SORCS2: variants seen among roughly 807,000 people sequenced by gnomAD.
SORCS2 encodes sortilin related VPS10 domain containing receptor 2.
Under a neutral mutation model 141.6 loss-of-function variants are expected in SORCS2, and 100 were observed. That is an observed-to-expected ratio of 0.71 (90% CI 0.60 to 0.83). The LOEUF (loss-of-function observed/expected upper bound fraction) is 0.83. Among genes scored for constraint, SORCS2 ranks in the 40% least tolerant of loss-of-function variants. SORCS2 has a pLI of 0.00. For missense variants in SORCS2, 1,646 were observed against 1,560.2 expected, an observed-to-expected ratio of 1.05 and a Z score of -0.93; for synonymous variants, 789 against 676.9, an observed-to-expected ratio of 1.17 and a Z score of -2.57.
chr4:7,374,947 G>A (rs892702774), intron 1 of SORCS2, among the ~76,000 whole-genome samples: 2 of 152,186 alleles, frequency 1.3e-5, no homozygotes, highest in East Asian at 1.9e-4. Context: ...ACACTTTGCT[G>A]TTGGGGTTGG....
At chr4:7,591,040 A>G (rs181036471) in intron 3 of SORCS2, among the ~76,000 whole-genome samples, 102 of 152,298 alleles carry the variant, frequency 6.7e-4, no homozygotes, top group African/African-American at 2.0e-3. Context: ...TCATCTCCCC[A>G]CAGCACACTT....
chr4:7,349,705 C>T (rs2109003507), intron 1 of SORCS2, among the ~76,000 whole-genome samples: 1 of 152,310 alleles, frequency 6.6e-6, no homozygotes, highest in East Asian at 1.9e-4. Flanking sequence ...CACACCAGTG[C>T]CCAGGTGCTG....
At chr4:7,232,403 G>A (rs923065961) in intron 1 of SORCS2, among the ~76,000 whole-genome samples, 2 of 152,186 alleles carry the variant, frequency 1.3e-5, no homozygotes, top group African/African-American at 2.4e-5. Context: ...CCCGGCGCCT[G>A]GACGCCGGAG....
At chr4:7,248,521 G>A (rs1191826193) in intron 1 of SORCS2, among the ~76,000 whole-genome samples, 1 of 152,168 alleles carries the variant, frequency 6.6e-6, no homozygotes, top group Non-Finnish European at 1.5e-5. Context: ...TGAAGTGCCT[G>A]GCCTGCCAAA....
intron 1 of SORCS2, among the ~76,000 whole-genome samples, chr4:7,334,872 T>C (rs1577412457): frequency 6.6e-6 from 1 of 150,834 alleles, no homozygotes; most frequent in Non-Finnish European, 1.5e-5. Flanking sequence ...AGGGTGGGAG[T>C]TCTTGGTGAG....
intron 3 of SORCS2, among the ~76,000 whole-genome samples, chr4:7,607,650 T>C (rs1390687774): frequency 1.3e-5 from 2 of 152,154 alleles, no homozygotes; most frequent in African/African-American, 4.8e-5. Flanking sequence ...CATCCAGTCA[T>C]GGGTAGTCCT....
rs866630605 is a variant in SORCS2, at chr4:7,664,049, T to A, written c.953-304T>A. 6.6e-6 allele frequency among the ~76,000 whole-genome samples: 1 copy of A among 152,270 alleles called. No individual in the cohort carries two copies. The highest frequency in any genetic ancestry group is 2.4e-5 in the African/African-American group (1 of 41,560). On this transcript the variant is annotated intron_variant, in intron 6 of 26. Transcript: ENST00000507866. The surrounding 1 kb of genome is among the most constrained non-coding windows in gnomAD (Gnocchi z 4.7). Reference sequence around the variant, plus strand: ...TTCAGGAGGGTATGGGGGCCGTGCATGTCTGGGTGTGGCGAGGTACCCACC... The same window carrying A: ...TTCAGGAGGGTATGGGGGCCGTGCAAGTCTGGGTGTGGCGAGGTACCCACC...
chr4:7,261,023 C>T (rs545556447), intron 1 of SORCS2, among the ~76,000 whole-genome samples: 14 of 152,254 alleles, frequency 9.2e-5, no homozygotes, highest in South Asian at 2.1e-4. Context: ...CAACATCTGT[C>T]GGATGATGCT....
chr4:7,722,117 G>A (rs1560110970), intron 18 of SORCS2, among the ~76,000 whole-genome samples: 1 of 152,258 alleles, frequency 6.6e-6, no homozygotes, highest in Non-Finnish European at 1.5e-5. Context: ...GTGCATCAGC[G>A]CAGCCCTTGA....
intron 2 of SORCS2, among the ~76,000 whole-genome samples, chr4:7,470,400 TCCATCCAG>T (rs1050995781): frequency 1.3e-5 from 2 of 151,934 alleles, no homozygotes; most frequent in African/African-American, 2.4e-5. Context: ...CTTCCATCCA[TCCATCCAG>T]CCATCCAGCC....
At chr4:7,634,395 G>A (rs1720103023) in intron 3 of SORCS2, among the ~76,000 whole-genome samples, 1 of 151,290 alleles carries the variant, frequency 6.6e-6, no homozygotes, top group South Asian at 2.1e-4. Flanking sequence ...AGAACCTAGG[G>A]AGGGAGGAGG....
intron 10 of SORCS2, among the ~76,000 whole-genome samples, chr4:7,685,094 A>G (rs1300329232): frequency 6.6e-6 from 1 of 152,232 alleles, no homozygotes; most frequent in Non-Finnish European, 1.5e-5. Context: ...AACGCTTCCC[A>G]GAACAGAATT....
At chr4:7,473,019 G>C (rs1413417490) in intron 2 of SORCS2, among the ~76,000 whole-genome samples, 1 of 152,136 alleles carries the variant, frequency 6.6e-6, no homozygotes, top group Non-Finnish European at 1.5e-5. Flanking sequence ...CTGGCCTGTG[G>C]GGTTTTGCAT....
rs1056906907 is a variant in SORCS2, at chr4:7,740,565, G to C, written c.*301G>C. ...CGCCCCACGTGCTGTCGCTCAGCCC[G>C]AGGCCTGACTTCTCTGGGCTGAGGC... is the stretch of plus-strand genomic sequence containing the variant. On this transcript the variant is annotated 3_prime_UTR_variant, in exon 27 of 27. Coordinates refer to ENST00000507866, the MANE Select transcript of SORCS2 (RefSeq NM_020777.3). 4.3e-6 allele frequency: 2 copies of C among 460,114 alleles called. No individual in the cohort carries two copies. The highest frequency in any genetic ancestry group is 3.7e-5 in the East Asian group (1 of 27,154). The allele number at this position is 460,114 out of a possible 1,614,324, so 28.5% of individuals were successfully genotyped here. A position where few individuals can be genotyped will look rare whatever the true frequency, so the allele number is the denominator to read the frequency against.
chr4:7,672,389 C>A (rs111415672), intron 8 of SORCS2, among the ~76,000 whole-genome samples: 2 of 152,122 alleles, frequency 1.3e-5, no homozygotes, highest in African/African-American at 4.8e-5. Context: ...ACATTCAAAG[C>A]GCTGAAAGAA....
At chr4:7,521,217 G>A (rs548882648) in intron 2 of SORCS2, among the ~76,000 whole-genome samples, 3 of 152,182 alleles carry the variant, frequency 2.0e-5, no homozygotes, top group South Asian at 2.1e-4. Flanking sequence ...AACAGCTTTC[G>A]TGCTGAAGGG....
rs143561282 is a variant in SORCS2, at chr4:7,498,526, C to T, written c.549-33004C>T. On this transcript the variant is annotated intron_variant, in intron 2 of 26. Coordinates refer to ENST00000507866, the MANE Select transcript of SORCS2 (RefSeq NM_020777.3). ...CCATGTACCAAAATCCCAACCCCTCCCTAGCTCTGGAAAGGGTGCAGAGAG... is the reference window on the plus strand; with the variant it reads ...CCATGTACCAAAATCCCAACCCCTCTCTAGCTCTGGAAAGGGTGCAGAGAG... Among the ~76,000 whole-genome samples the T allele has an allele frequency of 1.8e-3, 273 of 152,370 alleles. 1 individual carries two copies. Among genetic ancestry groups the T allele is most frequent in the African/African-American group, 6.3e-3 (262 of 41,600 alleles).
In SORCS2 at chr4:7,360,571, CTTTTTTT is replaced by C. The variant is rs753548897; in HGVS notation, c.481-35698_481-35692del. Among the ~76,000 whole-genome samples the C allele has an allele frequency of 7.7e-4, 38 of 49,276 alleles. 1 individual carries two copies. The South Asian group carries it at 0.016, about 21-fold the overall frequency. 32.3% of individuals were successfully genotyped at this position (49,276 alleles called of 152,430 possible). A position where few individuals can be genotyped will look rare whatever the true frequency, so the allele number is the denominator to read the frequency against. On this transcript the variant is annotated intron_variant, in intron 1 of 26. Transcript: ENST00000507866. ...TCCCTAAATACCCTCCCAGTCCCTT[CTTTTTTT>C]TTTTTTTTTTTTTTTTTTGAGACAG...
At chr4:7,729,825 G>A (rs1039227116) in intron 23 of SORCS2, 113 bp downstream of exon 23, 33 of 1,428,466 alleles carry the variant, frequency 2.3e-5, no homozygotes, top group African/African-American at 4.3e-5. Flanking sequence ...CGTCTTTCTC[G>A]CTGCATCTCA....
Sources: allele counts gnomAD v4.1 joint callset (sites outside exome capture counted in the v4.1 genomes callset), GRCh38; gene constraint gnomAD v4.1.1; non-coding constraint Gnocchi (gnomAD v3.1); transcripts MANE v1.5; gene names NCBI Gene and HGNC (gene_info 2026-07-23, HGNC 2026-07-21).